Variants in VSIG10 observed in about 807,000 individuals in gnomAD.
The protein encoded by VSIG10 is V-set and immunoglobulin domain containing 10.
A neutral mutation model predicts 58.7 loss-of-function variants in VSIG10; 48 were observed. That is an observed-to-expected ratio of 0.82 (90% CI 0.65 to 1.04). The LOEUF (loss-of-function observed/expected upper bound fraction) is 1.04. Ranked by LOEUF, VSIG10 falls within the 50% of genes least tolerant of loss-of-function variation. VSIG10 has a pLI of 0.00. For missense variants in VSIG10, 628 were observed against 670.0 expected, an observed-to-expected ratio of 0.94 and a Z score of 0.69; for synonymous variants, 260 against 267.1, an observed-to-expected ratio of 0.97 and a Z score of 0.26.
intron 2 of VSIG10, among the ~76,000 whole-genome samples, chr12:118,087,448 C>T (rs1172181724): frequency 6.6e-6 from 1 of 151,876 alleles, no homozygotes; most frequent in Non-Finnish European, 1.5e-5. Context: ...TTCACACATC[C>T]CCAGCCACTT....
intron 1 of VSIG10, among the ~76,000 whole-genome samples, chr12:118,098,258 TC>T: frequency 6.8e-6 from 1 of 147,466 alleles, no homozygotes; most frequent in South Asian, 2.2e-4. Flanking sequence ...CCTCTCCCTC[TC>T]TCTCCGCCTC....
chr12:118,090,017 T>C (rs1288369126), intron 2 of VSIG10, among the ~76,000 whole-genome samples: 1 of 152,098 alleles, frequency 6.6e-6, no homozygotes, highest in African/African-American at 2.4e-5. Flanking sequence ...GCACACAGAA[T>C]AAAATCACAA....
rs767063640 is a variant in VSIG10 at position 118,082,430 on chromosome 12, C to A, written c.362-1G>T. 1 of 1,605,604 alleles carries A rather than the reference C, an allele frequency of 6.2e-7. No individual in the cohort carries two copies. Among genetic ancestry groups the A allele is most frequent in the South Asian group, 1.1e-5 (1 of 90,920 alleles). On this transcript the variant is annotated splice_acceptor_variant, in intron 2 of 8. Coordinates refer to ENST00000359236, the MANE Select transcript of VSIG10 (RefSeq NM_019086.6). LOFTEE classifies it high-confidence loss of function. ...TGGACCTCAATCTGATAGGGGCCGC[C>A]TGGGGATGACAGGGGGAATAGGATG...
intron 2 of VSIG10, among the ~76,000 whole-genome samples, chr12:118,088,947 CTTTTTTTTTTT>C: frequency 7.0e-6 from 1 of 142,370 alleles, no homozygotes; most frequent in South Asian, 2.3e-4. Flanking sequence ...ATTCCTTTTT[CTTTTTTTTTTT>C]TTTTTATGAG....
chr12:118,068,329 CTTTT>C (rs772276266), intron 8 of VSIG10, 44 bp downstream of exon 8: 14 of 1,596,140 alleles, frequency 8.8e-6, no homozygotes, highest in Non-Finnish European at 1.2e-5. Flanking sequence ...GCCAACGCGC[CTTTT>C]TTTGTTTGTT....
chr12:118,072,262 G>A (rs1461120099), intron 5 of VSIG10, among the ~76,000 whole-genome samples: 1 of 151,826 alleles, frequency 6.6e-6, no homozygotes, highest in Non-Finnish European at 1.5e-5. Context: ...TCAGGAGGTC[G>A]AGACCATCCT....
At chr12:118,071,001 T>C (rs2032468509) in intron 7 of VSIG10, 51 bp downstream of exon 7, 1 of 1,588,578 alleles carries the variant, frequency 6.3e-7, no homozygotes. Flanking sequence ...AAAACAGAAG[T>C]GAAGACAGAT....
At position 118,103,938 on chromosome 12, in the gene VSIG10, T is replaced by G. The variant is rs1047037225; in HGVS notation, c.-267A>C. On this transcript the variant is annotated 5_prime_UTR_variant, in exon 1 of 9. Transcript: ENST00000359236. ...ACCCCGCCCCCTGCGCCCGCCAGCCTACTCCTGCCGGCGGAAAACAACAGG... is the reference window on the plus strand; with the variant it reads ...ACCCCGCCCCCTGCGCCCGCCAGCCGACTCCTGCCGGCGGAAAACAACAGG... The G allele has an allele frequency of 2.7e-6, 1 of 369,196 alleles. No individual in the cohort carries two copies. The highest frequency in any genetic ancestry group is 4.9e-6 in the Non-Finnish European group (1 of 205,604). The allele number at this position is 369,196 out of a possible 1,614,324, so 22.9% of individuals were successfully genotyped here.
intron 1 of VSIG10, 120 bp from the exon 2 acceptor site, chr12:118,095,934 T>TC (rs2033440739): frequency 7.5e-7 from 1 of 1,324,582 alleles, no homozygotes; most frequent in East Asian, 2.5e-5. Context: ...TTTTTTTTTT[T>TC]TTTTTTTTTG....
chr12:118,068,182 C>T (rs2032326549), intron 8 of VSIG10, among the ~76,000 whole-genome samples, 195 bp downstream of exon 8: 1 of 144,832 alleles, frequency 6.9e-6, no homozygotes, highest in Admixed American at 7.1e-5. Flanking sequence ...CCACCATGAC[C>T]GGCTAATTTT....
At chr12:118,091,567 T>TC (rs923570959) in intron 2 of VSIG10, among the ~76,000 whole-genome samples, 1 of 151,774 alleles carries the variant, frequency 6.6e-6, no homozygotes, top group Non-Finnish European at 1.5e-5. Flanking sequence ...GGCTGCTCAC[T>TC]CCTCAAGGGC....
intron 2 of VSIG10, among the ~76,000 whole-genome samples, chr12:118,089,292 G>GC (rs1259721491): frequency 6.6e-6 from 1 of 152,042 alleles, no homozygotes; most frequent in African/African-American, 2.4e-5. Context: ...CACGTTCATT[G>GC]CAACAAGACC....
intron 7 of VSIG10, 117 bp from the exon 8 acceptor site, chr12:118,068,714 AG>A: frequency 7.9e-7 from 1 of 1,268,648 alleles, no homozygotes; most frequent in Admixed American, 2.9e-5. Flanking sequence ...GGAAAATTAC[AG>A]CTTGGTGAAG....
chr12:118,068,705 G>C, intron 7 of VSIG10, 108 bp from the exon 8 acceptor site: 1 of 1,320,858 alleles, frequency 7.6e-7, no homozygotes, highest in Admixed American at 2.9e-5. Context: ...TAGTAATATG[G>C]AAAATTACAG....
chr12:118,082,422 G>C lies in VSIG10; in HGVS notation c.369C>G (p.Pro123=), dbSNP rs1485653258. 1.2e-6 allele frequency: 2 copies of C among 1,607,448 alleles called. No individual in the cohort carries two copies. The highest frequency in any genetic ancestry group is 2.2e-5 in the South Asian group (2 of 90,980). The part of the protein sequence containing the change: ...FQVWLQVASG[P]YQIEVHIVAT... ...CCACGATGTGGACCTCAATCTGATAGGGGCCGCCTGGGGATGACAGGGGGA... is the reference window on the plus strand; with the variant it reads ...CCACGATGTGGACCTCAATCTGATACGGGCCGCCTGGGGATGACAGGGGGA... Residue 123 remains proline, a synonymous_variant, in exon 3 of 9, where the codon CCC becomes CCG. Coordinates refer to ENST00000359236, the MANE Select transcript of VSIG10 (RefSeq NM_019086.6).
At chr12:118,069,678 C>T (rs1038205180) in intron 7 of VSIG10, among the ~76,000 whole-genome samples, 5 of 152,014 alleles carry the variant, frequency 3.3e-5, no homozygotes, top group Admixed American at 6.6e-5. Context: ...CCACCCGCCT[C>T]GGCCTCCCAA....
chr12:118,081,078 TA>T (rs1159264856), intron 3 of VSIG10, among the ~76,000 whole-genome samples: 1 of 151,864 alleles, frequency 6.6e-6, no homozygotes, highest in Admixed American at 6.6e-5. Flanking sequence ...CTGTCTCTAC[TA>T]AAAATAGAAA....
At chr12:118,078,937 TAAAAAAA>T (rs35469920) in intron 4 of VSIG10, among the ~76,000 whole-genome samples, 2,826 of 39,740 alleles carry the variant, frequency 0.071, 37 homozygotes, top group Middle Eastern at 0.11. Context: ...AGACTCTGCC[TAAAAAAA>T]AAAAAAAAAA....
At chr12:118,078,964 AAAAAT>A (rs71069405) in intron 4 of VSIG10, among the ~76,000 whole-genome samples, 13,625 of 67,086 alleles carry the variant, frequency 0.2, 1,546 homozygotes, top group Non-Finnish European at 0.24. Flanking sequence ...AAAAAAAAAA[AAAAAT>A]TTTCTTTATA....
Sources: gnomAD v4.1 joint callset for allele counts (sites outside exome capture counted in the v4.1 genomes callset) on GRCh38, gnomAD v4.1.1 for gene constraint, MANE v1.5 for transcripts, NCBI Gene and HGNC (gene_info 2026-07-23, HGNC 2026-07-21) for gene names.